The following SGK1 variants were observed in gnomAD, a reference collection of about 807,000 sequenced individuals.
The protein encoded by SGK1 is serum/glucocorticoid regulated kinase 1, also known as serine/threonine-protein kinase Sgk1.
A neutral mutation model predicts 64.2 loss-of-function variants in SGK1; 26 were observed. The observed-to-expected ratio is 0.40, with a 90% CI of 0.30 to 0.56. The LOEUF (loss-of-function observed/expected upper bound fraction) is 0.56. Ranked by LOEUF, SGK1 falls within the 20% of genes least tolerant of loss-of-function variation. The pLI is 0.38. For missense variants in SGK1, 519 were observed against 645.6 expected (o/e 0.80, Z 2.12); for synonymous variants, 265 against 239.7 (o/e 1.11, Z -0.98).
At chr6:134,261,627 A>G in intron 2 of SGK1, 1 of 579,714 alleles carries the variant, frequency 1.7e-6, no homozygotes, top group Non-Finnish European at 3.0e-6. Context: ...GAACTCTAAC[A>G]TAAAACTCTG....
chr6:134,216,748 A>G (rs1366015557), intron 2 of SGK1, among the ~76,000 whole-genome samples: 1 of 152,224 alleles, frequency 6.6e-6, no homozygotes. Flanking sequence ...GAAGGAAGCA[A>G]TAATATGGGC....
chr6:134,294,629 G>A (rs1046947620), intron 1 of SGK1, among the ~76,000 whole-genome samples: 10 of 152,098 alleles, frequency 6.6e-5, no homozygotes, highest in African/African-American at 2.4e-4. Flanking sequence ...TCGCCTCCAG[G>A]GTTCAAGTGA....
chr6:134,210,392 G>A (rs186791568), intron 2 of SGK1, among the ~76,000 whole-genome samples: 60 of 152,284 alleles, frequency 3.9e-4, no homozygotes, highest in African/African-American at 1.4e-3. Flanking sequence ...TGGTTTCCAG[G>A]GGCTGCAGGG....
chr6:134,258,954 C>T lies in SGK1; in HGVS notation c.285+2979G>A, dbSNP rs72974328. Among the ~76,000 whole-genome samples, 898 of 152,222 alleles carry T rather than the reference C, an allele frequency of 5.9e-3. 4 individuals carry two copies. Among genetic ancestry groups the T allele is most frequent in the Non-Finnish European group, 0.01 (700 of 68,016 alleles). ...AGTGAGCCATGATTGCACCACTACA[C>T]TCTAGCCTGGGCAGTAGAGCAAAAC... On this transcript the variant is annotated intron_variant, in intron 2 of 13. Coordinates refer to ENST00000367858, the MANE Select transcript of SGK1 (RefSeq NM_001143676.3).
At chr6:134,174,643 G>A (rs767593786) in intron 3 of SGK1, 57 bp from the exon 4 acceptor site, 4 of 1,601,098 alleles carry the variant, frequency 2.5e-6, no homozygotes, top group South Asian at 1.1e-5. Flanking sequence ...AACGTCCGGC[G>A]CCACACACAC....
intron 1 of SGK1, among the ~76,000 whole-genome samples, chr6:134,267,649 G>C (rs1460142022): frequency 6.6e-6 from 1 of 152,118 alleles, no homozygotes; most frequent in Non-Finnish European, 1.5e-5. Flanking sequence ...TAAACTATAA[G>C]TAAGAAGGAA....
intron 2 of SGK1, among the ~76,000 whole-genome samples, chr6:134,255,036 T>C (rs541312862): frequency 6.6e-6 from 1 of 151,996 alleles, no homozygotes; most frequent in African/African-American, 2.4e-5. Flanking sequence ...GCCTGGCTAA[T>C]TTTTTGTATT....
chr6:134,247,007 TA>T (rs1008638674), intron 2 of SGK1, among the ~76,000 whole-genome samples: 4 of 151,870 alleles, frequency 2.6e-5, no homozygotes, highest in East Asian at 1.9e-4. Context: ...GCCAGTGATT[TA>T]TTTTTTTTTT....
At chr6:134,255,120 C>T (rs192111385) in intron 2 of SGK1, among the ~76,000 whole-genome samples, 16 of 152,236 alleles carry the variant, frequency 1.1e-4, no homozygotes, top group Admixed American at 1.0e-3. Flanking sequence ...CCACCTGCCT[C>T]GGCCTCCCAA....
chr6:134,175,618 G>C, intron 3 of SGK1: 2 of 1,542,988 alleles, frequency 1.3e-6, no homozygotes, highest in Non-Finnish European at 1.7e-6. Flanking sequence ...CCGCAGCAGG[G>C]ACTCGAGCCG....
At chr6:134,246,731 T>TC (rs1222803535) in intron 2 of SGK1, among the ~76,000 whole-genome samples, 4 of 152,080 alleles carry the variant, frequency 2.6e-5, no homozygotes, top group African/African-American at 9.7e-5. Flanking sequence ...TAGCTGGGAT[T>TC]ACAGGTGCCT....
intron 5 of SGK1, 124 bp downstream of exon 5, chr6:134,173,881 C>A: frequency 4.3e-6 from 3 of 691,912 alleles, no homozygotes; most frequent in South Asian, 3.8e-5. Context: ...ACTTGTTATG[C>A]CATAATGAAG....
At chr6:134,247,453 A>G (rs947621167) in intron 2 of SGK1, among the ~76,000 whole-genome samples, 1 of 152,190 alleles carries the variant, frequency 6.6e-6, no homozygotes, top group Non-Finnish European at 1.5e-5. Flanking sequence ...AGAACTCAAA[A>G]TGGCATTCAC....
At chr6:134,273,633 A>G (rs1264465401) in intron 1 of SGK1, among the ~76,000 whole-genome samples, 1 of 144,894 alleles carries the variant, frequency 6.9e-6, no homozygotes, top group Non-Finnish European at 1.5e-5. Context: ...GCTGAGTTAA[A>G]GGAAGCCAGG....
At chr6:134,254,265 G>T (rs796075581) in intron 2 of SGK1, among the ~76,000 whole-genome samples, 17 of 152,250 alleles carry the variant, frequency 1.1e-4, no homozygotes, top group African/African-American at 4.1e-4. Flanking sequence ...ATTCACAACT[G>T]CAAGGAGCTT....
At chr6:134,285,477 CAAAAAAA>C (rs778766999) in intron 1 of SGK1, among the ~76,000 whole-genome samples, 2 of 68,466 alleles carry the variant, frequency 2.9e-5, no homozygotes, top group Non-Finnish European at 6.0e-5. Context: ...GACTCTGCCT[CAAAAAAA>C]AAAAAAAAAA....
At chr6:134,281,120 C>T (rs1204239563) in intron 1 of SGK1, among the ~76,000 whole-genome samples, 1 of 152,198 alleles carries the variant, frequency 6.6e-6, no homozygotes, top group East Asian at 1.9e-4. Flanking sequence ...TTCACACCCT[C>T]ATCTGCTCAA....
chr6:134,297,138 C>A (rs577190055), intron 1 of SGK1: 1 of 571,902 alleles, frequency 1.7e-6, no homozygotes, highest in Non-Finnish European at 3.3e-6. Context: ...ACTTGTGAGG[C>A]CCCCATAGGC....
At chr6:134,201,302 C>T (rs150221098) in intron 3 of SGK1, among the ~76,000 whole-genome samples, 1,527 of 151,972 alleles carry the variant, frequency 0.01, 22 homozygotes, top group African/African-American at 0.033. Context: ...CCTCATGATC[C>T]GCCCGTCTCG....
Sources: gnomAD v4.1 joint callset for allele counts (sites outside exome capture counted in the v4.1 genomes callset) on GRCh38, gnomAD v4.1.1 for gene constraint, MANE v1.5 for transcripts, NCBI Gene and HGNC (gene_info 2026-07-23, HGNC 2026-07-21) for gene names.